The following AGBL3 variants were observed in gnomAD, a reference collection of about 807,000 sequenced individuals.
The protein encoded by AGBL3 is AGBL carboxypeptidase 3, also known as cytosolic carboxypeptidase 3.
AGBL3 carries 68 observed loss-of-function variants against 94.5 expected under a neutral mutation model. That is an observed-to-expected ratio of 0.72 (90% confidence interval 0.59 to 0.88). The LOEUF (loss-of-function observed/expected upper bound fraction) is 0.88. Among genes scored for constraint, AGBL3 ranks in the 40% least tolerant of loss-of-function variants. The pLI is 0.00. For missense variants in AGBL3, 934 were observed against 1,103.8 expected (o/e 0.85, Z 2.18); for synonymous variants, 354 against 370.7 (o/e 0.95, Z 0.52).
chr7:135,118,926 TC>T (rs1826717466), intron 16 of AGBL3, among the ~76,000 whole-genome samples: 2 of 151,226 alleles, frequency 1.3e-5, no homozygotes, highest in African/African-American at 4.9e-5. Context: ...GAGGAAAGAG[TC>T]AGTGAATTGA....
At chr7:135,070,020 C>G (rs1819729939) in intron 12 of AGBL3, among the ~76,000 whole-genome samples, 1 of 152,068 alleles carries the variant, frequency 6.6e-6, no homozygotes, top group Non-Finnish European at 1.5e-5. Context: ...CAAATAGACA[C>G]AATAAAAAAT....
chr7:135,073,917 C>G (rs1563239796), intron 12 of AGBL3, among the ~76,000 whole-genome samples: 2 of 152,066 alleles, frequency 1.3e-5, no homozygotes, highest in Admixed American at 1.3e-4. Flanking sequence ...TTACTTCTTT[C>G]TTTGGAGGCA....
rs1563155841 is a variant in AGBL3 at position 134,988,012 on chromosome 7, C to G, written c.63+16C>G. 2 of 1,506,776 alleles carry G rather than the reference C, an allele frequency of 1.3e-6. No individual in the cohort carries two copies. Among genetic ancestry groups the G allele is most frequent in the Non-Finnish European group, 1.8e-6 (2 of 1,117,088 alleles). 93.3% of individuals were successfully genotyped at this position (1,506,776 alleles called of 1,614,324 possible). ...AGATGAATCGGTATGTTTTTCTCAACTTTATTTTACTTGGAGATAAAATTT... is the reference window on the plus strand; with the variant it reads ...AGATGAATCGGTATGTTTTTCTCAAGTTTATTTTACTTGGAGATAAAATTT... On this transcript the variant is annotated intron_variant, in intron 2 of 16. Transcript: ENST00000436302.
intron 8 of AGBL3, among the ~76,000 whole-genome samples, chr7:135,042,957 A>G (rs761225840): frequency 6.6e-6 from 1 of 152,146 alleles, no homozygotes; most frequent in African/African-American, 2.4e-5. Flanking sequence ...CAAAAAGTCA[A>G]TTTTATCGTA....
intron 15 of AGBL3, among the ~76,000 whole-genome samples, chr7:135,098,922 TA>T (rs1006445363): frequency 2.2e-4 from 33 of 152,126 alleles, no homozygotes; most frequent in Non-Finnish European, 3.8e-4. Context: ...ACTAAAGAGC[TA>T]AAATGTGTAT....
rs377428014 is a variant in AGBL3 at position 135,119,864 on chromosome 7, G to A, written c.2342+4253G>A. Among the ~76,000 whole-genome samples, 206 of 152,130 alleles carry A rather than the reference G, an allele frequency of 1.4e-3. 3 individuals carry two copies. The South Asian group carries it at 0.038, about 28-fold the overall frequency. On this transcript the variant is annotated intron_variant, in intron 16 of 16. Transcript: ENST00000436302. The stretch of plus-strand genomic sequence containing the variant: ...TGCACTCCAGCCTGGGTGACAGAGC[G>A]AGACTCCGTCTCAAAAAATAAAAAA...
At chr7:135,094,139 C>G (rs1822285510) in intron 15 of AGBL3, 2 of 307,994 alleles carry the variant, frequency 6.5e-6, no homozygotes, top group African/African-American at 4.4e-5. Flanking sequence ...TAAAACTACT[C>G]TTAGAAGAAA....
chr7:135,042,697 G>A (rs1816972579), intron 8 of AGBL3, among the ~76,000 whole-genome samples: 1 of 152,092 alleles, frequency 6.6e-6, no homozygotes, highest in Admixed American at 6.6e-5. Flanking sequence ...ATGGCATGAG[G>A]CCAGGAATTT....
chr7:135,125,257 C>T (rs1422817873), intron 16 of AGBL3, among the ~76,000 whole-genome samples: 3 of 152,152 alleles, frequency 2.0e-5, no homozygotes, highest in East Asian at 1.9e-4. Flanking sequence ...TCAGAGAATA[C>T]TATCAACACC....
intron 15 of AGBL3, among the ~76,000 whole-genome samples, chr7:135,085,261 G>A (rs909991766): frequency 6.6e-6 from 1 of 152,096 alleles, no homozygotes; most frequent in Non-Finnish European, 1.5e-5. Flanking sequence ...TCCCTTGTCA[G>A]ATAGTTTGCA....
chr7:135,076,883 CACA>C (rs34015368), intron 13 of AGBL3, among the ~76,000 whole-genome samples: 5 of 151,486 alleles, frequency 3.3e-5, no homozygotes, highest in African/African-American at 1.2e-4. Context: ...TGAAATTATC[CACA>C]ACAACAACAA....
intron 16 of AGBL3, among the ~76,000 whole-genome samples, chr7:135,126,692 C>A (rs1034367566): frequency 6.6e-6 from 1 of 152,012 alleles, no homozygotes; most frequent in Non-Finnish European, 1.5e-5. Context: ...TGCAACAGAA[C>A]GGAGACCTCA....
chr7:135,067,184 G>A (rs534609199), intron 12 of AGBL3, among the ~76,000 whole-genome samples: 1 of 152,350 alleles, frequency 6.6e-6, no homozygotes, highest in Admixed American at 6.5e-5. Flanking sequence ...CAGCAAGGCT[G>A]GGGGACGGGC....
At chr7:135,070,233 A>G (rs896329710) in intron 12 of AGBL3, among the ~76,000 whole-genome samples, 1 of 152,214 alleles carries the variant, frequency 6.6e-6, no homozygotes, top group Non-Finnish European at 1.5e-5. Flanking sequence ...GCAATAATTA[A>G]TAGCTTACCA....
chr7:135,044,752 G>A (rs889325049), intron 9 of AGBL3, among the ~76,000 whole-genome samples: 5 of 151,184 alleles, frequency 3.3e-5, no homozygotes, highest in Admixed American at 6.6e-5. Context: ...TAGGGTACAT[G>A]TGCACAATGT....
chr7:134,988,633 ATT>A lies in AGBL3; in HGVS notation c.64-605_64-604del, dbSNP rs906931665. ...CTGTGTTTTTCTTTTTGTTAATTTA[ATT>A]TTTTTTTTTTTCTTGAGCCAGAGTT... is the stretch of plus-strand genomic sequence containing the variant. On this transcript the variant is annotated intron_variant, in intron 2 of 16. Coordinates refer to ENST00000436302, the MANE Select transcript of AGBL3 (RefSeq NM_178563.4). 1.3e-3 allele frequency among the ~76,000 whole-genome samples: 190 copies of A among 146,450 alleles called. 3 individuals are homozygous for A. The highest frequency in any genetic ancestry group is 4.7e-3 in the African/African-American group (189 of 40,190).
chr7:135,081,220 T>C (rs1282245192), intron 14 of AGBL3, among the ~76,000 whole-genome samples: 3 of 152,116 alleles, frequency 2.0e-5, no homozygotes, highest in Non-Finnish European at 2.9e-5. Flanking sequence ...ACATTACATT[T>C]TAGAATATTT....
chr7:135,081,240 G>A (rs965229594), intron 14 of AGBL3, among the ~76,000 whole-genome samples: 1 of 151,946 alleles, frequency 6.6e-6, no homozygotes, highest in African/African-American at 2.4e-5. Context: ...TATTTTAAAC[G>A]CGTTCCTATA....
chr7:135,013,605 G>T (rs981251495), intron 4 of AGBL3, among the ~76,000 whole-genome samples: 5 of 152,158 alleles, frequency 3.3e-5, no homozygotes, highest in Non-Finnish European at 7.4e-5. Context: ...AGAAGACATT[G>T]TGGTTGACTC....
Sources: gnomAD v4.1 joint callset for allele counts (sites outside exome capture counted in the v4.1 genomes callset) on GRCh38, gnomAD v4.1.1 for gene constraint, MANE v1.5 for transcripts, NCBI Gene and HGNC (gene_info 2026-07-23, HGNC 2026-07-21) for gene names.